The following DPF3 variants were observed in gnomAD, a reference collection of about 807,000 sequenced individuals.
DPF3 encodes zinc finger protein DPF3.
In DPF3, 18 loss-of-function variants were observed where a neutral mutation model predicts 56.8. The ratio of observed to expected loss-of-function variants is 0.32; its 90% confidence interval spans 0.22 to 0.47. DPF3 has a LOEUF of 0.47. DPF3 is among the 20% of genes least tolerant of loss of function. The pLI is 1.00. For missense variants in DPF3, 403 were observed against 488.8 expected (o/e 0.82, Z 1.65); for synonymous variants, 188 against 180.2 (o/e 1.04, Z -0.35).
At chr14:72,718,822 G>A (rs1889046146) in intron 5 of DPF3, among the ~76,000 whole-genome samples, 1 of 132,334 alleles carries the variant, frequency 7.6e-6, no homozygotes, top group African/African-American at 2.8e-5. Context: ...CTGGAGTGCA[G>A]TGGCTCAATC....
intron 8 of DPF3, chr14:72,662,078 CTAAGT>C (rs1299942008): frequency 6.8e-5 from 67 of 984,986 alleles, no homozygotes; most frequent in Non-Finnish European, 7.5e-5. Flanking sequence ...TGATTTGTGG[CTAAGT>C]TATTTCAGTC....
chr14:72,875,497 A>G (rs915530000), intron 1 of DPF3, among the ~76,000 whole-genome samples: 8 of 152,306 alleles, frequency 5.3e-5, no homozygotes, highest in African/African-American at 1.9e-4. Context: ...GACAAAAACT[A>G]TTAGTCCTAC....
Position 72,754,642 on chromosome 14 carries a change from G to A in DPF3, c.194-1271C>T, listed in dbSNP as rs1043809441. Among the ~76,000 whole-genome samples, 6 of 152,172 alleles carry A rather than the reference G, an allele frequency of 3.9e-5. No individual in the cohort carries two copies. In the East Asian group the frequency reaches 1.2e-3, roughly 29 times the overall value. On this transcript the variant is annotated intron_variant, in intron 2 of 10. Coordinates refer to ENST00000556509, the MANE Select transcript of DPF3 (RefSeq NM_001280542.3). ...AAACATCAGCACCTGATTCCCATCTGCCGTCTTCCATTTTAGGGCCCTTAA... is the reference window on the plus strand; with the variant it reads ...AAACATCAGCACCTGATTCCCATCTACCGTCTTCCATTTTAGGGCCCTTAA...
chr14:72,675,125 T>G (rs1217040686), intron 7 of DPF3, among the ~76,000 whole-genome samples: 2 of 152,166 alleles, frequency 1.3e-5, no homozygotes, highest in Admixed American at 1.3e-4. Flanking sequence ...CACGAATAAC[T>G]GAACACACTA....
At position 72,813,397 on chromosome 14, in the gene DPF3, G is replaced by A. The variant is rs141548325; in HGVS notation, c.33-41504C>T. Reference sequence around the variant, plus strand: ...TCCCAGCTGATAGGAACTGCTGAGCGCTTGCAGCTTTTAAAGCCCCTCTAG... The same window carrying A: ...TCCCAGCTGATAGGAACTGCTGAGCACTTGCAGCTTTTAAAGCCCCTCTAG... On this transcript the variant is annotated intron_variant, in intron 1 of 10. Coordinates refer to ENST00000556509, the MANE Select transcript of DPF3 (RefSeq NM_001280542.3). Among the ~76,000 whole-genome samples the A allele has an allele frequency of 4.0e-3, 606 of 152,280 alleles. 6 individuals are homozygous for A. Among genetic ancestry groups the A allele is most frequent in the African/African-American group, 0.014 (567 of 41,550 alleles).
chr14:72,852,043 C>T (rs1177617616), intron 1 of DPF3, among the ~76,000 whole-genome samples: 1 of 152,216 alleles, frequency 6.6e-6, no homozygotes, highest in Non-Finnish European at 1.5e-5. Flanking sequence ...TAAGAGGTGC[C>T]GCAGGTAGGT....
intron 7 of DPF3, among the ~76,000 whole-genome samples, chr14:72,681,901 G>A (rs1567198886): frequency 6.6e-6 from 1 of 152,188 alleles, no homozygotes; most frequent in South Asian, 2.1e-4. Context: ...CTTCGGAATA[G>A]TAAGAAAAAG....
intron 8 of DPF3, among the ~76,000 whole-genome samples, chr14:72,650,307 G>A (rs1885870307): frequency 6.6e-6 from 1 of 152,212 alleles, no homozygotes; most frequent in Non-Finnish European, 1.5e-5. Context: ...CAGAGTTAAA[G>A]GCGAGGATCT....
At chr14:72,883,995 C>G (rs992185302) in intron 1 of DPF3, among the ~76,000 whole-genome samples, 4 of 151,852 alleles carry the variant, frequency 2.6e-5, no homozygotes, top group Admixed American at 1.3e-4. Flanking sequence ...CAACAGCTCA[C>G]TCTCCTTATT....
At chr14:72,804,238 C>T (rs919762163) in intron 1 of DPF3, among the ~76,000 whole-genome samples, 3 of 150,830 alleles carry the variant, frequency 2.0e-5, no homozygotes, top group African/African-American at 4.9e-5. Context: ...GACAAAGATT[C>T]CCCCCTTCCA....
chr14:72,719,323 A>G (rs910814912), intron 5 of DPF3, among the ~76,000 whole-genome samples: 8 of 152,000 alleles, frequency 5.3e-5, no homozygotes, highest in Non-Finnish European at 1.0e-4. Flanking sequence ...TCGGCTTCCC[A>G]AAGTGCTGGG....
At chr14:72,637,885 C>T (rs1356147563) in intron 8 of DPF3, among the ~76,000 whole-genome samples, 1 of 109,370 alleles carries the variant, frequency 9.1e-6, no homozygotes, top group East Asian at 4.9e-4. Context: ...TATTGACCAG[C>T]CCAGTCCGAT....
chr14:72,788,800 A>T (rs781040495), intron 1 of DPF3, among the ~76,000 whole-genome samples: 1 of 152,226 alleles, frequency 6.6e-6, no homozygotes. Flanking sequence ...GTTGTCCCTT[A>T]TCAGTAGATA....
intron 1 of DPF3, among the ~76,000 whole-genome samples, chr14:72,853,556 C>T (rs1419253508): frequency 1.3e-5 from 2 of 149,148 alleles, no homozygotes; most frequent in Non-Finnish European, 1.5e-5. Flanking sequence ...CTCAACACAA[C>T]CTCTGCCTCC....
intron 8 of DPF3, among the ~76,000 whole-genome samples, chr14:72,647,665 G>A (rs539153180): frequency 1.3e-5 from 2 of 152,326 alleles, no homozygotes; most frequent in South Asian, 4.1e-4. Context: ...TCACTATGAA[G>A]CTTTGAGTAT....
intron 2 of DPF3, among the ~76,000 whole-genome samples, chr14:72,757,594 T>A (rs901483284): frequency 3.3e-5 from 5 of 152,072 alleles, no homozygotes; most frequent in Admixed American, 1.3e-4. Context: ...AGGATCAAAG[T>A]TTCCAAATAG....
intron 7 of DPF3, among the ~76,000 whole-genome samples, chr14:72,674,788 C>T (rs1886839904): frequency 1.3e-5 from 2 of 152,250 alleles, no homozygotes; most frequent in Admixed American, 6.5e-5. Flanking sequence ...GTGCCTGGAC[C>T]TTGCCATTGG....
intron 1 of DPF3, among the ~76,000 whole-genome samples, chr14:72,867,563 C>T (rs1885723395): frequency 6.6e-6 from 1 of 152,166 alleles, no homozygotes. Flanking sequence ...CCATTCTCCT[C>T]TAAGGTGTTT....
At chr14:72,879,873 T>C in intron 1 of DPF3, 5 of 1,535,184 alleles carry the variant, frequency 3.3e-6, no homozygotes, top group African/African-American at 1.4e-5. Context: ...CATAAAACCA[T>C]AGGCAGATGT....
Sources: gnomAD v4.1 joint callset for allele counts (sites outside exome capture counted in the v4.1 genomes callset) on GRCh38, gnomAD v4.1.1 for gene constraint, MANE v1.5 for transcripts, NCBI Gene and HGNC (gene_info 2026-07-23, HGNC 2026-07-21) for gene names.